Variants in VPS16 observed in about 807,000 individuals in gnomAD.
The protein encoded by VPS16 is vacuolar protein sorting-associated protein 16 homolog.
VPS16 carries 82 observed loss-of-function variants against 116.0 expected under a neutral mutation model. The ratio of observed to expected loss-of-function variants is 0.71; its 90% CI spans 0.59 to 0.85. The LOEUF is 0.85. Among genes scored for constraint, VPS16 ranks in the 40% least tolerant of loss-of-function variants. VPS16 has a pLI of 0.00. For synonymous variants in VPS16, 406 were observed against 420.7 expected, an observed-to-expected ratio of 0.96 and a Z score of 0.43; for missense variants, 928 against 1,090.6, an observed-to-expected ratio of 0.85 and a Z score of 2.10.
At chr20:2,857,510 CTT>C (rs201180356) in intron 1 of VPS16, among the ~76,000 whole-genome samples, 13 of 132,472 alleles carry the variant, frequency 9.8e-5, no homozygotes, top group African/African-American at 6.3e-5. Context: ...GTATTTCTTT[CTT>C]TTTTTTTTTT....
rs1215573391 is a variant in VPS16 at position 2,864,176 on chromosome 20, C to T, written c.1612-3C>T. ...TCTCTGTGCCTTCCTTCTCACCTCA[C>T]AGCTGCTGGAGTATGAGCCACGCTC... On this transcript the variant is annotated splice_polypyrimidine_tract_variant and splice_region_variant and intron_variant, in intron 16 of 23. Transcript: ENST00000380445. This position sits in a 1 kb window ranked among gnomAD's most constrained non-coding sequence, Gnocchi z 5.2. 1 of 1,614,114 alleles carries T rather than the reference C, an allele frequency of 6.2e-7. No homozygotes were observed. Among genetic ancestry groups the T allele is most frequent in the African/African-American group, 1.3e-5 (1 of 74,956 alleles).
intron 1 of VPS16, among the ~76,000 whole-genome samples, chr20:2,842,826 A>ATGTAT (rs1312887942): frequency 0.012 from 9 of 778 alleles, no homozygotes; most frequent in South Asian, 0.12. Context: ...CTATAGATAG[A>ATGTAT]CATATAGATG....
intron 1 of VPS16, among the ~76,000 whole-genome samples, chr20:2,858,261 C>T (rs1379872560): frequency 2.0e-5 from 3 of 152,076 alleles, no homozygotes; most frequent in African/African-American, 7.2e-5. Context: ...CATGTGCCAT[C>T]ACATGCAGCT....
rs569693658 is a variant in VPS16, at chr20:2,863,657, G to C, written c.1476+259G>C. ...CATGCCTGTAATCCCAGCTACCCGG[G>C]AGGCTGAGGCAGGAGAATTGCTTTC... On this transcript the variant is annotated intron_variant, in intron 15 of 23. Transcript: ENST00000380445. The surrounding 1 kb of genome is among the most constrained non-coding windows in gnomAD (Gnocchi z 4.4). Among the ~76,000 whole-genome samples the C allele has an allele frequency of 4.1e-4, 63 of 152,320 alleles. No individual in the cohort carries two copies. Among genetic ancestry groups the C allele is most frequent in the African/African-American group, 1.5e-3 (63 of 41,578 alleles).
chr20:2,847,720 G>A (rs1201339426), intron 1 of VPS16, among the ~76,000 whole-genome samples: 1 of 151,676 alleles, frequency 6.6e-6, no homozygotes, highest in African/African-American at 2.4e-5. Context: ...CTCATGATCC[G>A]CCTGTCTCGG....
In VPS16 at chr20:2,842,635, TATAG is replaced by T. The variant is rs1486966557; in HGVS notation, c.53+1820_53+1823del. On this transcript the variant is annotated intron_variant, in intron 1 of 23. Transcript: ENST00000380445. ...ATAGATATATCTATCTATATCTATC[TATAG>T]ATAGATAGATATAGATAGATATATA... Among the ~76,000 whole-genome samples, 7 of 115,342 alleles carry T rather than the reference TATAG, an allele frequency of 6.1e-5. No individual in the cohort carries two copies. The East Asian group carries it at 8.5e-4, about 14-fold the overall frequency. 75.7% of individuals were successfully genotyped at this position (115,342 alleles called of 152,430 possible).
rs1362165446 is a variant in VPS16 at position 2,864,649 on chromosome 20, G to A, written c.1921G>A (p.Glu641Lys). 1 of 1,614,018 alleles carries A rather than the reference G, an allele frequency of 6.2e-7. No individual in the cohort carries two copies. Among genetic ancestry groups the A allele is most frequent in the South Asian group, 1.1e-5 (1 of 91,084 alleles). ...SFHIRASYAA[E>K]ERIEGRVAAL... is the part of the protein sequence containing the mutation. ...CCACATCCGAGCCAGCTATGCTGCA[G>A]AAGAGGTCTGAGATCCATGGGGCGT... The change falls in exon 19 of 24, where the codon GAA becomes AAA. Residue 641 changes from glutamate to lysine, a missense_variant. Physicochemically the swap from Glu to Lys is moderately conservative, Grantham distance 56 (BLOSUM62 1). Coordinates refer to ENST00000380445, the MANE Select transcript of VPS16 (RefSeq NM_022575.4). The surrounding 1 kb of genome is among the most constrained non-coding windows in gnomAD (Gnocchi z 5.2).
In VPS16 at chr20:2,864,804, G is replaced by C. The variant is rs1049022234; in HGVS notation, c.1926+150G>C. 58 of 1,172,508 alleles carry C rather than the reference G, an allele frequency of 4.9e-5. No homozygotes were observed. The highest frequency in any genetic ancestry group is 5.5e-4 in the Middle Eastern group (2 of 3,604). 72.6% of individuals were successfully genotyped at this position (1,172,508 alleles called of 1,614,324 possible). On this transcript the variant is annotated intron_variant, in intron 19 of 23. Transcript: ENST00000380445. This position sits in a 1 kb window ranked among gnomAD's most constrained non-coding sequence, Gnocchi z 5.2. ...GACTCTGACGTGAGGCCAGGATGGG[G>C]GTTAGTGTCAGAGGAGCTAGCCATC... is the stretch of plus-strand genomic sequence containing the variant.
intron 1 of VPS16, among the ~76,000 whole-genome samples, chr20:2,858,699 G>A (rs1357521689): frequency 1.3e-5 from 2 of 151,640 alleles, no homozygotes; most frequent in Non-Finnish European, 2.9e-5. Flanking sequence ...CACTCTTGAG[G>A]TATGATGACA....
At position 2,840,756 on chromosome 20, in the gene VPS16, G is replaced by T. The variant is rs1023232192; in HGVS notation, c.-19G>T. On this transcript the variant is annotated 5_prime_UTR_variant, in exon 1 of 24. Transcript: ENST00000380445. ...GTGGGTGTCCCCTCGGTGCTTCCCA[G>T]CTGCCGTCTGCACCAGCCATGGACT... is the stretch of plus-strand genomic sequence containing the variant. 5.8e-6 allele frequency: 9 copies of T among 1,547,860 alleles called. No homozygotes were observed. In the Admixed American group the frequency reaches 9.8e-5, roughly 17 times the overall value.
rs143701351 is a variant in VPS16, at chr20:2,864,046, G to A, written c.1574G>A (p.Arg525Gln). The A allele has an allele frequency of 5.6e-6, 9 of 1,614,166 alleles. No individual in the cohort carries two copies. Among genetic ancestry groups the A allele is most frequent in the South Asian group, 3.3e-5 (3 of 91,078 alleles). The change falls in exon 16 of 24, where the codon CGA (arginine) becomes CAA (glutamine). Residue 525 changes from arginine to glutamine, a missense_variant. Coordinates refer to ENST00000380445, the MANE Select transcript of VPS16 (RefSeq NM_022575.4). This position sits in a 1 kb window ranked among gnomAD's most constrained non-coding sequence, Gnocchi z 5.2. ...GTCTCTTACTCCGACATTGCTGCAC[G>A]AGCCTATGGTTGTGGCCGCACGGAG... is the stretch of plus-strand genomic sequence containing the variant. ...PGVSYSDIAA[R>Q]AYGCGRTELA...
At chr20:2,848,247 A>T (rs80143990) in intron 1 of VPS16, among the ~76,000 whole-genome samples, 3,116 of 150,560 alleles carry the variant, frequency 0.021, 99 homozygotes, top group African/African-American at 0.061. Context: ...TTTTATTTTT[A>T]ATTTTAATTT....
Position 2,866,466 on chromosome 20 carries a change from C to A in VPS16, c.2412C>A (p.His804Gln). The A allele has an allele frequency of 6.2e-7, 1 of 1,614,180 alleles. No homozygotes were observed. The highest frequency in any genetic ancestry group is 2.2e-5 in the East Asian group (1 of 44,874). ...AGGCTGCAGATGTGGCCATCGAACA[C>A]CGGAATGAGGCTGAGCTGAGCCTCG... is the stretch of plus-strand genomic sequence containing the variant. ...VAQAADVAIE[H>Q]RNEAELSLVL... The change falls in exon 24 of 24, where the codon CAC becomes CAA. Residue 804 changes from histidine to glutamine, a missense_variant. His to Gln is a conservative substitution (Grantham distance 24). Transcript: ENST00000380445.
In VPS16 at chr20:2,860,267, G is replaced by A. The variant is rs2089212705; in HGVS notation, c.269G>A (p.Gly90Asp). Residue 90 changes from glycine to aspartate, a missense_variant, in exon 4 of 24, where the codon GGC (glycine) becomes GAC (aspartate). By Grantham distance (94) the Gly-to-Asp change is moderately conservative. Transcript: ENST00000380445. This position sits in a 1 kb window ranked among gnomAD's most constrained non-coding sequence, Gnocchi z 6.1. The part of the protein sequence containing the change: ...LWKSGPVVSL[G>D]WSAEEELLCV... ...AAGAGTGGACCCGTGGTGTCCCTGG[G>A]CTGGTCAGCTGAGGAGGAGCTGCTC... 6.2e-7 allele frequency: 1 copy of A among 1,614,090 alleles called. No homozygotes were observed. The highest frequency in any genetic ancestry group is 1.6e-4 in the Middle Eastern group (1 of 6,062).
At chr20:2,862,445 C>CT in intron 11 of VPS16, 134 bp from the exon 12 acceptor site, 1 of 1,472,308 alleles carries the variant, frequency 6.8e-7, no homozygotes, top group Admixed American at 2.4e-5. Context: ...ATTGAGTGGG[C>CT]TGAGGGAGTT....
chr20:2,864,168 T>A lies in VPS16; in HGVS notation c.1612-11T>A. 6.2e-7 allele frequency: 1 copy of A among 1,614,128 alleles called. No homozygotes were observed. The highest frequency in any genetic ancestry group is 8.5e-7 in the Non-Finnish European group (1 of 1,180,002). On this transcript the variant is annotated splice_polypyrimidine_tract_variant and intron_variant, in intron 16 of 23. Transcript: ENST00000380445. This position sits in a 1 kb window ranked among gnomAD's most constrained non-coding sequence, Gnocchi z 5.2. ...GCTCCTTCTCTCTGTGCCTTCCTTCTCACCTCACAGCTGCTGGAGTATGAG... is the reference window on the plus strand; with the variant it reads ...GCTCCTTCTCTCTGTGCCTTCCTTCACACCTCACAGCTGCTGGAGTATGAG...
Position 2,864,404 on chromosome 20 carries a change from G to A in VPS16, c.1760G>A (p.Arg587Gln), listed in dbSNP as rs748737553. ...VLLHLKNELN[R>Q]GDFFMTLRNQ... ...CTGCACCTGAAGAACGAGCTGAACC[G>A]AGGAGATTTTTTCATGACCCTTCGG... is the stretch of plus-strand genomic sequence containing the variant. The change falls in exon 18 of 24, where the codon CGA becomes CAA. Residue 587 changes from arginine to glutamine, a missense_variant. Transcript: ENST00000380445. This position sits in a 1 kb window ranked among gnomAD's most constrained non-coding sequence, Gnocchi z 5.2. 5 of 1,614,048 alleles carry A rather than the reference G, an allele frequency of 3.1e-6. No individual in the cohort carries two copies. The highest frequency in any genetic ancestry group is 3.3e-5 in the Admixed American group (2 of 60,008).
chr20:2,861,507 A>G (rs2089227122), intron 8 of VPS16, 108 bp from the exon 9 acceptor site: 1 of 1,394,998 alleles, frequency 7.2e-7, no homozygotes. Flanking sequence ...GTGTACAGTC[A>G]GTGATGCAAG....
chr20:2,859,724 A>T lies in VPS16; in HGVS notation c.59A>T (p.Tyr20Phe), dbSNP rs1278017149. The T allele has an allele frequency of 1.2e-6, 2 of 1,613,640 alleles. No individual in the cohort carries two copies. Among genetic ancestry groups the T allele is most frequent in the African/African-American group, 2.7e-5 (2 of 74,904 alleles). ...PLGDSAFYRK[Y>F]ELYSMDWDLK... ...GCTCATCTCTGTGTGGGCAGGAAATATGAGCTGTACAGCATGGACTGGGAC... is the reference window on the plus strand; with the variant it reads ...GCTCATCTCTGTGTGGGCAGGAAATTTGAGCTGTACAGCATGGACTGGGAC... Residue 20 changes from tyrosine to phenylalanine, a missense_variant, in exon 2 of 24, where the codon TAT (tyrosine) becomes TTT (phenylalanine). By Grantham distance (22) the Tyr-to-Phe change is conservative. Coordinates refer to ENST00000380445, the MANE Select transcript of VPS16 (RefSeq NM_022575.4).
Sources: allele counts gnomAD v4.1 joint callset (sites outside exome capture counted in the v4.1 genomes callset), GRCh38; gene constraint gnomAD v4.1.1; non-coding constraint Gnocchi (gnomAD v3.1); transcripts MANE v1.5; gene names NCBI Gene and HGNC (gene_info 2026-07-23, HGNC 2026-07-21).